FAAH2: variants seen among roughly 807,000 people sequenced by gnomAD.
FAAH2 encodes the protein fatty acid amide hydrolase 2.
FAAH2 carries 60 observed loss-of-function variants against 36.9 expected under a neutral mutation model. The ratio of observed to expected loss-of-function variants is 1.63; its 90% CI spans 1.32 to 2.02. The LOEUF (loss-of-function observed/expected upper bound fraction) is 2.02, where lower values mean the gene tolerates loss of function less well. Among genes scored for constraint, FAAH2 ranks in the 30% most tolerant of loss-of-function variants. The pLI is 0.00. For missense variants in FAAH2, 689 were observed against 397.5 expected (o/e 1.73, Z -6.23); for synonymous variants, 214 against 143.8 (o/e 1.49, Z -3.49).
At chrX:57,335,089 C>T (rs188012079) in intron 4 of FAAH2, among the ~76,000 whole-genome samples, 73 of 111,749 alleles carry the variant, frequency 6.5e-4, no homozygotes, top group Non-Finnish European at 1.1e-3. Context: ...AAATTTATCA[C>T]ATAATTTGAA....
At chrX:57,321,201 A>C (rs757606977) in intron 3 of FAAH2, among the ~76,000 whole-genome samples, 2 of 110,638 alleles carry the variant, frequency 1.8e-5, no homozygotes, top group South Asian at 7.7e-4. Context: ...GAAGCTGGAA[A>C]CCATCGTTCT....
intron 2 of FAAH2, among the ~76,000 whole-genome samples, chrX:57,303,979 G>T (rs6612773): frequency 0.54 from 59,754 of 110,245 alleles, 14,344 homozygotes; most frequent in Non-Finnish European, 0.75. Flanking sequence ...GGCTGAGGCG[G>T]GCAGATTACC....
the FAAH2 span, among the ~76,000 whole-genome samples, chrX:57,240,050 TA>T: frequency 8.9e-6 from 1 of 112,394 alleles, no homozygotes; most frequent in Non-Finnish European, 1.9e-5. Flanking sequence ...TTGGTCTGGT[TA>T]AAAACCATTG....
At chrX:57,223,830 G>A in the FAAH2 span, among the ~76,000 whole-genome samples, 1 of 111,572 alleles carries the variant, frequency 9.0e-6, no homozygotes, top group African/African-American at 3.3e-5. Context: ...GTCCAACAAC[G>A]GACCCTCCTT....
At chrX:57,300,359 G>A in intron 2 of FAAH2, among the ~76,000 whole-genome samples, 1 of 111,860 alleles carries the variant, frequency 8.9e-6, no homozygotes, top group Middle Eastern at 4.6e-3. Context: ...AATGCGGAAA[G>A]GATTCCCTAT....
At chrX:57,437,736 T>G (rs1428023310) in intron 8 of FAAH2, among the ~76,000 whole-genome samples, 1 of 103,139 alleles carries the variant, frequency 9.7e-6, no homozygotes, top group East Asian at 3.0e-4. Flanking sequence ...TTATATATTA[T>G]ATATATTATT....
chrX:57,328,406 G>A (rs1003270325), intron 3 of FAAH2, among the ~76,000 whole-genome samples: 10 of 111,629 alleles, frequency 9.0e-5, no homozygotes, highest in Non-Finnish European at 1.7e-4. Context: ...TGCTCTATCA[G>A]GTTGATTGTG....
intron 3 of FAAH2, among the ~76,000 whole-genome samples, chrX:57,319,422 T>A (rs1367797054): frequency 3.6e-5 from 4 of 111,644 alleles, no homozygotes; most frequent in African/African-American, 1.3e-4. Flanking sequence ...CCATTCACAA[T>A]TGCTACAAAG....
At chrX:57,183,765 A>G in the FAAH2 span, among the ~76,000 whole-genome samples, 1 of 111,407 alleles carries the variant, frequency 9.0e-6, no homozygotes, top group African/African-American at 3.3e-5. Flanking sequence ...AAAGAACAGA[A>G]TAACAGCGAT....
At chrX:57,203,270 G>A in the FAAH2 span, among the ~76,000 whole-genome samples, 1 of 112,317 alleles carries the variant, frequency 8.9e-6, no homozygotes, top group African/African-American at 3.2e-5. Flanking sequence ...CAAAGGGATG[G>A]GCTCTGGCTA....
intron 7 of FAAH2, among the ~76,000 whole-genome samples, chrX:57,400,659 T>C (rs1359438419): frequency 8.9e-6 from 1 of 112,693 alleles, no homozygotes; most frequent in East Asian, 2.8e-4. Flanking sequence ...ACCCTCTTAG[T>C]TGCTTTAGGG....
the FAAH2 span, among the ~76,000 whole-genome samples, chrX:57,253,777 A>C: frequency 9.0e-6 from 1 of 111,439 alleles, no homozygotes; most frequent in Non-Finnish European, 1.9e-5. Flanking sequence ...AATACTAAAC[A>C]TGGAAAGGAA....
chrX:57,306,998 C>CAT lies in FAAH2; in HGVS notation c.276-3577_276-3576dup, dbSNP rs1338855632. ...GTATACACACACACACACACAGATACATATATATATATATATATAGCCTTT... is the reference window on the plus strand; with the variant it reads ...GTATACACACACACACACACAGATACATATATATATATATATATATAGCCTTT... On this transcript the variant is annotated intron_variant, in intron 2 of 10. Coordinates refer to ENST00000374900, the MANE Select transcript of FAAH2 (RefSeq NM_174912.4). 1.4e-3 allele frequency among the ~76,000 whole-genome samples: 48 copies of CAT among 34,937 alleles called. 4 individuals are homozygous for CAT. Among genetic ancestry groups the CAT allele is most frequent in the African/African-American group, 3.1e-3 (45 of 14,682 alleles). 30.3% of individuals were successfully genotyped at this position (34,937 alleles called of 115,157 possible). A position where few individuals can be genotyped will look rare whatever the true frequency, so the allele number is the denominator to read the frequency against.
At chrX:57,446,813 G>A in intron 8 of FAAH2, 115 bp from the exon 9 acceptor site, 1 of 438,952 alleles carries the variant, frequency 2.3e-6, no homozygotes, top group Admixed American at 4.3e-5. Context: ...TTCATCAATT[G>A]ACTGGTATTT....
At chrX:57,185,032 G>A in the FAAH2 span, among the ~76,000 whole-genome samples, 24 of 110,970 alleles carry the variant, frequency 2.2e-4, no homozygotes, top group East Asian at 6.5e-3. Context: ...AATCACATCA[G>A]TAAAGTGGGG....
intron 4 of FAAH2, among the ~76,000 whole-genome samples, chrX:57,333,146 C>G (rs771755563): frequency 1.8e-5 from 2 of 111,341 alleles, no homozygotes; most frequent in Non-Finnish European, 3.8e-5. Context: ...ACCAGAAGAA[C>G]AGTACATCAT....
At chrX:57,421,445 A>AT (rs769026042) in intron 7 of FAAH2, among the ~76,000 whole-genome samples, 3 of 111,269 alleles carry the variant, frequency 2.7e-5, no homozygotes, top group Non-Finnish European at 3.8e-5. Flanking sequence ...ACAGAAATTT[A>AT]TTTTTTCATA....
chrX:57,166,696 G>C, the FAAH2 span, among the ~76,000 whole-genome samples: 2 of 112,340 alleles, frequency 1.8e-5, no homozygotes, highest in Middle Eastern at 4.2e-3. Flanking sequence ...AGGAGACATA[G>C]TTACGGTGAT....
At chrX:57,169,647 G>A in the FAAH2 span, among the ~76,000 whole-genome samples, 19 of 93,239 alleles carry the variant, frequency 2.0e-4, no homozygotes, top group African/African-American at 6.9e-4. Context: ...TCTCAATAAT[G>A]TAGGTGGGCC....
Sources: allele counts gnomAD v4.1 joint callset (sites outside exome capture counted in the v4.1 genomes callset), GRCh38; gene constraint gnomAD v4.1.1; transcripts MANE v1.5; gene names NCBI Gene and HGNC (gene_info 2026-07-23, HGNC 2026-07-21).